The following RABGAP1L variants were observed in gnomAD, a reference collection of about 807,000 sequenced individuals.
RABGAP1L encodes rab GTPase-activating protein 1-like.
RABGAP1L carries 63 observed loss-of-function variants against 137.7 expected under a neutral mutation model. The ratio of observed to expected loss-of-function variants is 0.46; its 90% CI spans 0.37 to 0.56. RABGAP1L has a LOEUF of 0.56. Among genes scored for constraint, RABGAP1L ranks in the 20% least tolerant of loss-of-function variants. RABGAP1L has a pLI of 0.00. For missense variants in RABGAP1L, 1,095 were observed against 1,244.0 expected, an observed-to-expected ratio of 0.88 and a Z score of 1.80; for synonymous variants, 431 against 433.7, an observed-to-expected ratio of 0.99 and a Z score of 0.08.
intron 13 of RABGAP1L, among the ~76,000 whole-genome samples, chr1:174,483,428 G>C (rs1022040779): frequency 3.3e-5 from 5 of 152,120 alleles, no homozygotes; most frequent in African/African-American, 1.2e-4. Context: ...TTAACATAGT[G>C]ACTTCACGTT....
intron 1 of RABGAP1L, among the ~76,000 whole-genome samples, chr1:174,179,258 T>C (rs1666150569): frequency 6.6e-6 from 1 of 152,144 alleles, no homozygotes; most frequent in South Asian, 2.1e-4. Flanking sequence ...TGTTAGCTTG[T>C]TCCATTGAGA....
intron 3 of RABGAP1L, among the ~76,000 whole-genome samples, chr1:174,226,342 C>T (rs1037681956): frequency 6.6e-6 from 1 of 152,200 alleles, no homozygotes; most frequent in African/African-American, 2.4e-5. Flanking sequence ...GGGCGGATCA[C>T]TTGAGCTCAG....
intron 14 of RABGAP1L, among the ~76,000 whole-genome samples, chr1:174,648,704 T>C (rs1332648532): frequency 6.6e-6 from 1 of 152,158 alleles, no homozygotes; most frequent in Non-Finnish European, 1.5e-5. Flanking sequence ...ATTCTGTAGA[T>C]ATCTATTAGG....
intron 15 of RABGAP1L, among the ~76,000 whole-genome samples, chr1:174,684,922 A>G (rs569209717): frequency 6.6e-6 from 1 of 152,192 alleles, no homozygotes; most frequent in South Asian, 2.1e-4. Context: ...TCAAGGCTGC[A>G]GTAAGCCTTG....
intron 20 of RABGAP1L, chr1:174,957,909 A>G: frequency 6.3e-7 from 1 of 1,584,258 alleles, no homozygotes; most frequent in Non-Finnish European, 8.6e-7. Context: ...TTTGTAGGTA[A>G]CTCCAGCTGT....
intron 19 of RABGAP1L, among the ~76,000 whole-genome samples, chr1:174,835,838 G>C (rs1692686091): frequency 6.6e-6 from 1 of 152,022 alleles, no homozygotes; most frequent in South Asian, 2.1e-4. Flanking sequence ...TTCTTCCTTT[G>C]GTCTGGTTAT....
chr1:174,659,057 T>C (rs1205537204), intron 14 of RABGAP1L, among the ~76,000 whole-genome samples: 1 of 152,206 alleles, frequency 6.6e-6, no homozygotes, highest in African/African-American at 2.4e-5. Flanking sequence ...TTCCTGACGA[T>C]AAATCAAATG....
chr1:174,291,108 A>G (rs552853411), intron 10 of RABGAP1L, among the ~76,000 whole-genome samples: 2 of 152,276 alleles, frequency 1.3e-5, no homozygotes, highest in East Asian at 1.9e-4. Context: ...TTGTCTGCCA[A>G]TAAAGGTAGT....
intron 13 of RABGAP1L, among the ~76,000 whole-genome samples, chr1:174,514,268 A>AC (rs1662610557): frequency 6.6e-6 from 1 of 151,356 alleles, no homozygotes; most frequent in African/African-American, 2.4e-5. Flanking sequence ...AAAAAAAAAA[A>AC]AACTGGGGAG....
At chr1:174,590,127 T>C (rs1376884567) in intron 13 of RABGAP1L, among the ~76,000 whole-genome samples, 5 of 58,072 alleles carry the variant, frequency 8.6e-5, no homozygotes, top group African/African-American at 4.1e-4. Context: ...CAGTTTCTTT[T>C]TTTTTTTTTT....
At chr1:174,600,817 C>T (rs1053593056) in intron 13 of RABGAP1L, among the ~76,000 whole-genome samples, 1 of 152,204 alleles carries the variant, frequency 6.6e-6, no homozygotes, top group Non-Finnish European at 1.5e-5. Flanking sequence ...GTCCGTGGAT[C>T]TACCATTCTG....
chr1:174,166,884 G>T (rs944885079), intron 1 of RABGAP1L, among the ~76,000 whole-genome samples: 1 of 152,200 alleles, frequency 6.6e-6, no homozygotes, highest in South Asian at 2.1e-4. Context: ...TGTTGGTAAA[G>T]AAGTTGCTAT....
intron 13 of RABGAP1L, among the ~76,000 whole-genome samples, chr1:174,457,338 G>A (rs1656148852): frequency 1.3e-5 from 2 of 152,088 alleles, no homozygotes; most frequent in South Asian, 4.1e-4. Flanking sequence ...TATTCTTTAT[G>A]TGGATTATAT....
intron 18 of RABGAP1L, among the ~76,000 whole-genome samples, chr1:174,794,404 A>G (rs1688088137): frequency 6.6e-6 from 1 of 152,116 alleles, no homozygotes; most frequent in Non-Finnish European, 1.5e-5. Flanking sequence ...CTTCTATGTG[A>G]TTTCCTGGAA....
At chr1:174,964,382 T>C (rs1669432604) in intron 20 of RABGAP1L, among the ~76,000 whole-genome samples, 1 of 152,218 alleles carries the variant, frequency 6.6e-6, no homozygotes, top group Admixed American at 6.5e-5. Context: ...GCTTAGTTTC[T>C]TTACTTTTAA....
At position 174,470,115 on chromosome 1, in the gene RABGAP1L, C is replaced by A. The variant is rs140115665; in HGVS notation, c.1710+75970C>A. Among the ~76,000 whole-genome samples, 102 of 152,244 alleles carry A rather than the reference C, an allele frequency of 6.7e-4. 1 individual carries two copies. The highest frequency in any genetic ancestry group is 2.3e-3 in the African/African-American group (94 of 41,544). ...GAATTATTTTACCACTTGCACAGGGCTACTACTGCATTTTGCAGGGTTCCA... is the reference window on the plus strand; with the variant it reads ...GAATTATTTTACCACTTGCACAGGGATACTACTGCATTTTGCAGGGTTCCA... On this transcript the variant is annotated intron_variant, in intron 13 of 25. Coordinates refer to ENST00000681986, the MANE Select transcript of RABGAP1L (RefSeq NM_001366446.1).
chr1:174,626,248 C>G lies in RABGAP1L; in HGVS notation c.1711-11127C>G, dbSNP rs554289297. On this transcript the variant is annotated intron_variant, in intron 13 of 25. Coordinates refer to ENST00000681986, the MANE Select transcript of RABGAP1L (RefSeq NM_001366446.1). ...TTGTGGTAGACAGTCATCTGGAACTCTGACCTAGATTACTTAGAATCTGTG... is the reference window on the plus strand; with the variant it reads ...TTGTGGTAGACAGTCATCTGGAACTGTGACCTAGATTACTTAGAATCTGTG... Among the ~76,000 whole-genome samples the G allele has an allele frequency of 3.3e-5, 5 of 152,324 alleles. No individual in the cohort carries two copies. The South Asian group carries it at 1.0e-3, about 32-fold the overall frequency.
chr1:174,892,708 C>T, intron 19 of RABGAP1L: 2 of 509,618 alleles, frequency 3.9e-6, no homozygotes. Flanking sequence ...TTGCTTCAGG[C>T]TACCTCATTT....
chr1:174,304,501 A>T (rs1678015756), intron 10 of RABGAP1L, among the ~76,000 whole-genome samples: 1 of 152,074 alleles, frequency 6.6e-6, no homozygotes, highest in Admixed American at 6.6e-5. Context: ...TACATATAGC[A>T]AATATATCTT....
Sources: gnomAD v4.1 joint callset for allele counts (sites outside exome capture counted in the v4.1 genomes callset) on GRCh38, gnomAD v4.1.1 for gene constraint, MANE v1.5 for transcripts, NCBI Gene and HGNC (gene_info 2026-07-23, HGNC 2026-07-21) for gene names.